The following PLPP5 variants were observed in gnomAD, a reference collection of about 807,000 sequenced individuals.
PLPP5 encodes the protein diacylglycerol pyrophosphate like 1.
In PLPP5, 29 loss-of-function variants were observed where a neutral mutation model predicts 23.6. The observed-to-expected ratio is 1.23, with a 90% CI of 0.92 to 1.68. The LOEUF (loss-of-function observed/expected upper bound fraction) is 1.68, where lower values mean the gene tolerates loss of function less well. PLPP5 is among the 40% of genes most tolerant of loss of function. The probability of loss-of-function intolerance (pLI) is 0.00; values close to 1 mark genes in which losing one functional copy is unlikely to be tolerated. For synonymous variants in PLPP5, 143 were observed against 131.3 expected, an observed-to-expected ratio of 1.09 and a Z score of -0.61; for missense variants, 315 against 332.1, an observed-to-expected ratio of 0.95 and a Z score of 0.40.
chr8:38,265,948 T>A (rs1398926054), intron 6 of PLPP5, among the ~76,000 whole-genome samples, 193 bp downstream of exon 6: 2 of 152,266 alleles, frequency 1.3e-5, no homozygotes, highest in East Asian at 1.9e-4. Flanking sequence ...AAAATTAGGA[T>A]GTTTATCTTT....
rs748551084 is a variant in PLPP5 at position 38,267,326 on chromosome 8, G to C, written c.404C>G (p.Thr135Arg). The change falls in exon 5 of 7, where the codon ACA becomes AGA. Residue 135 changes from threonine to arginine, a missense_variant. Transcript: ENST00000424479. The part of the protein sequence containing the change: ...DGLAHSDLMC[T>R]GDKDVVNEGR... ...CTCATTCACCACGTCCTTATCCCCT[G>C]TACACATCAAGTCAGAATGGGCTAG... 1 of 1,613,978 alleles carries C rather than the reference G, an allele frequency of 6.2e-7. No homozygotes were observed. The highest frequency in any genetic ancestry group is 1.1e-5 in the South Asian group (1 of 91,084).
At position 38,268,432 on chromosome 8, in the gene PLPP5, CAG is replaced by C. The variant is rs750444684; in HGVS notation, c.211_212del (p.Leu71AspfsTer54). On this transcript the variant is annotated frameshift_variant, in exon 3 of 7. Transcript: ENST00000424479. LOFTEE classifies it high-confidence loss of function. ...TCTTGAGAAATTTGGCCAGGAAGAT[CAG>C]AGACAGTGGAGAGAGAAATGCAATA... ...FVIAFLSPLSLIFLAKFLKKA... is the reference protein window; with the variant it reads ...FVIAFLSPLSXIFLAKFLKKA... 11 of 1,576,282 alleles carry C rather than the reference CAG, an allele frequency of 7.0e-6. No individual in the cohort carries two copies. Among genetic ancestry groups the C allele is most frequent in the Admixed American group, 1.9e-5 (1 of 53,972 alleles).
intron 1 of PLPP5, 50 bp downstream of exon 1, chr8:38,269,076 G>A (rs1305097467): frequency 6.6e-7 from 1 of 1,524,846 alleles, no homozygotes; most frequent in Admixed American, 2.1e-5. Flanking sequence ...CGTGCCGCCC[G>A]CCTGCCTGGG....
chr8:38,269,094 G>A, intron 1 of PLPP5, 32 bp downstream of exon 1: 2 of 1,527,118 alleles, frequency 1.3e-6, no homozygotes, highest in Non-Finnish European at 1.8e-6. Flanking sequence ...GGGAAGCGGG[G>A]CCGCCCGGGC....
intron 3 of PLPP5, 163 bp downstream of exon 3, chr8:38,268,208 G>A: frequency 4.7e-6 from 5 of 1,070,734 alleles, no homozygotes; most frequent in Non-Finnish European, 6.6e-6. Context: ...TGTAGCCTGC[G>A]TAACCAAGTC....
chr8:38,266,400 GTTT>G, intron 5 of PLPP5, 89 bp from the exon 6 acceptor site: 10 of 1,208,234 alleles, frequency 8.3e-6, no homozygotes, highest in Non-Finnish European at 1.2e-5. Flanking sequence ...GCATGAGTAT[GTTT>G]TTATTTATTT....
In PLPP5 at chr8:38,264,830, C is replaced by A. The variant is rs971989976; in HGVS notation, c.635-226G>T. 2.5e-6 allele frequency: 4 copies of A among 1,580,534 alleles called. No homozygotes were observed. The African/African-American group carries it at 4.1e-5, about 16-fold the overall frequency. ...TTCTGAACACCAAATCAAAACACAT[C>A]TTAAGTAAGTATAATAAGCTTTGTT... On this transcript the variant is annotated intron_variant, in intron 6 of 6. Transcript: ENST00000424479.
chr8:38,268,398 T>C lies in PLPP5; in HGVS notation c.247A>G (p.Thr83Ala), dbSNP rs201646571. The change falls in exon 3 of 7, where the codon ACA (threonine) becomes GCA (alanine). Residue 83 changes from threonine (T) to alanine (A), a missense_variant. Coordinates refer to ENST00000424479, the MANE Select transcript of PLPP5 (RefSeq NM_001102559.2). ...AGGCAGGCTTGTCTGCTGTCTCTTG[T>C]GTCTGCCTTCTTGAGAAATTTGGCC... Reference protein sequence around the residue: ...FLAKFLKKADTRDSRQACLAA... With the variant: ...FLAKFLKKADARDSRQACLAA... 82 of 1,573,228 alleles carry C rather than the reference T, an allele frequency of 5.2e-5. No individual in the cohort carries two copies. The African/African-American group carries it at 7.3e-4, about 14-fold the overall frequency.
Position 38,264,252 on chromosome 8 carries a change from A to T in PLPP5, c.*192T>A. 1 of 753,844 alleles carries T rather than the reference A, an allele frequency of 1.3e-6. No homozygotes were observed. The allele number at this position is 753,844 out of a possible 1,614,324, so 46.7% of individuals were successfully genotyped here. The stretch of plus-strand genomic sequence containing the variant: ...AACCTCCAGCTCCCAGGTTCAAGCA[A>T]TTCTCCTACCTCAGCCTCCCAGGTA... On this transcript the variant is annotated 3_prime_UTR_variant, in exon 7 of 7. Transcript: ENST00000424479.
At chr8:38,267,994 T>C in intron 3 of PLPP5, 34 bp from the exon 4 acceptor site, 2 of 1,613,850 alleles carry the variant, frequency 1.2e-6, no homozygotes, top group Non-Finnish European at 1.7e-6. Flanking sequence ...AAAGGATCTG[T>C]CTAGGAGGAA....
chr8:38,267,417 CG>C, intron 4 of PLPP5, 26 bp from the exon 5 acceptor site: 1 of 1,605,692 alleles, frequency 6.2e-7, no homozygotes, highest in South Asian at 1.1e-5. Flanking sequence ...ATGGTTGGAA[CG>C]TAAATCATTA....
At chr8:38,267,717 G>GAAAA in intron 4 of PLPP5, 180 bp downstream of exon 4, 1 of 686,754 alleles carries the variant, frequency 1.5e-6, no homozygotes, top group Non-Finnish European at 2.4e-6. Flanking sequence ...AAAGAGCCCA[G>GAAAA]GTGTCACCTG....
At chr8:38,268,080 CAA>C in intron 3 of PLPP5, 120 bp from the exon 4 acceptor site, 2 of 1,524,212 alleles carry the variant, frequency 1.3e-6, no homozygotes. Flanking sequence ...GGCCTGGGCA[CAA>C]AAATAATTAG....
intron 6 of PLPP5, 98 bp downstream of exon 6, chr8:38,266,043 C>G (rs1807533576): frequency 9.0e-7 from 1 of 1,114,574 alleles, no homozygotes; most frequent in Admixed American, 2.6e-5. Flanking sequence ...TTAATTTGTT[C>G]ATTCAGCAGA....
At position 38,264,144 on chromosome 8, in the gene PLPP5, A is replaced by C; in HGVS notation, c.*300T>G. The C allele has an allele frequency of 9.7e-7, 1 of 1,035,108 alleles. No individual in the cohort carries two copies. Among genetic ancestry groups the C allele is most frequent in the Non-Finnish European group, 1.2e-6 (1 of 861,930 alleles). 64.1% of individuals were successfully genotyped at this position (1,035,108 alleles called of 1,614,324 possible). A position where few individuals can be genotyped will look rare whatever the true frequency, so the allele number is the denominator to read the frequency against. The stretch of plus-strand genomic sequence containing the variant: ...TAGTTCACCTGTTCTCTATTGAGAT[A>C]GATTCAATTTTTTTTTTTTTTGAGA... On this transcript the variant is annotated 3_prime_UTR_variant, in exon 7 of 7. Transcript: ENST00000424479.
chr8:38,264,456 A>G lies in PLPP5; in HGVS notation c.783T>C (p.Cys261=). Residue 261 remains cysteine, a synonymous_variant, in exon 7 of 7, where the codon TGT becomes TGC. Transcript: ENST00000424479. ...CCAGATTCAATTTTTAAATATCAAA[A>G]CAATAAGAATCCCCAGGCTTCTGTG... ...STAQKPGDSY[C]FDI 1 of 1,548,320 alleles carries G rather than the reference A, an allele frequency of 6.5e-7. No individual in the cohort carries two copies. Among genetic ancestry groups the G allele is most frequent in the Non-Finnish European group, 8.7e-7 (1 of 1,146,232 alleles).
Position 38,263,931 on chromosome 8 carries a change from C to A in PLPP5, c.*513G>T, listed in dbSNP as rs973640846. ...AAGGTGTTGGACACCTTTGAAAGAT[C>A]CTTTTACTAGAACATGTGGCATACA... On this transcript the variant is annotated 3_prime_UTR_variant, in exon 7 of 7. Transcript: ENST00000424479. 2.0e-6 allele frequency: 2 copies of A among 985,154 alleles called. No individual in the cohort carries two copies. Among genetic ancestry groups the A allele is most frequent in the Non-Finnish European group, 2.4e-6 (2 of 829,830 alleles). 61.0% of individuals were successfully genotyped at this position (985,154 alleles called of 1,614,324 possible).
chr8:38,267,145 AGG>A (rs940030700), intron 5 of PLPP5, 120 bp downstream of exon 5: 5 of 1,572,010 alleles, frequency 3.2e-6, no homozygotes, highest in Non-Finnish European at 4.3e-6. Flanking sequence ...TTACTAAAGA[AGG>A]GGGGATTTTC....
In PLPP5 at chr8:38,266,227, C is replaced by A. The variant is rs150786544; in HGVS notation, c.548G>T (p.Trp183Leu). Residue 183 changes from tryptophan to leucine, a missense_variant, in exon 6 of 7, where the codon TGG becomes TTG. Coordinates refer to ENST00000424479, the MANE Select transcript of PLPP5 (RefSeq NM_001102559.2). ...AGGTGACAGAAAGGCACAGAACCTC[C>A]AAGATTTCCCACGGCCTTGTGGTGT... is the stretch of plus-strand genomic sequence containing the variant. ...CFTPQGRGKSWRFCAFLSPLL... is the reference protein window; with the variant it reads ...CFTPQGRGKSLRFCAFLSPLL... The A allele has an allele frequency of 1.3e-4, 216 of 1,613,814 alleles. No homozygotes were observed. The East Asian group carries it at 4.8e-3, about 36-fold the overall frequency.
Sources: gnomAD v4.1 joint callset for allele counts (sites outside exome capture counted in the v4.1 genomes callset) on GRCh38, gnomAD v4.1.1 for gene constraint, MANE v1.5 for transcripts, NCBI Gene and HGNC (gene_info 2026-07-23, HGNC 2026-07-21) for gene names.